Variants in ZBTB38 observed in about 807,000 individuals in gnomAD.
ZBTB38 encodes zinc finger and BTB domain-containing protein 38.
In ZBTB38, 20 loss-of-function variants were observed where a neutral mutation model predicts 76.8. That is an observed-to-expected ratio of 0.26 (90% CI 0.18 to 0.38). The LOEUF (loss-of-function observed/expected upper bound fraction) is 0.38, where lower values mean the gene tolerates loss of function less well. Ranked by LOEUF, ZBTB38 falls within the 10% of genes least tolerant of loss-of-function variation. The pLI is 1.00. For synonymous variants in ZBTB38, 504 were observed against 544.2 expected (o/e 0.93, Z 1.03); for missense variants, 1,082 against 1,482.3 (o/e 0.73, Z 4.43).
intron 5 of ZBTB38, among the ~76,000 whole-genome samples, chr3:141,434,859 G>A (rs908880986): frequency 6.6e-6 from 1 of 152,058 alleles, no homozygotes; most frequent in African/African-American, 2.4e-5. Context: ...TAGGCTGGCT[G>A]TGGTGGCTCA....
At chr3:141,414,984 A>G (rs1210837435) in intron 5 of ZBTB38, among the ~76,000 whole-genome samples, 2 of 151,954 alleles carry the variant, frequency 1.3e-5, no homozygotes, top group East Asian at 3.9e-4. Flanking sequence ...CTGAGTCATA[A>G]TGTCTTTGAC....
In ZBTB38 at chr3:141,443,958, A is replaced by G. The variant is rs1189579273; in HGVS notation, c.1570A>G (p.Thr524Ala). The change falls in exon 6 of 6, where the codon ACT becomes GCT. Residue 524 changes from threonine to alanine, a missense_variant. Transcript: ENST00000321464. This position sits in a 1 kb window ranked among gnomAD's most constrained non-coding sequence, Gnocchi z 5.6. Reference sequence around the variant, plus strand: ...ATATCAGTGCATTTTCTGTCTTGAAACTTTCATGACCTACTATATACTCAA... The same window carrying G: ...ATATCAGTGCATTTTCTGTCTTGAAGCTTTCATGACCTACTATATACTCAA... The part of the protein sequence containing the change: ...RRYQCIFCLE[T>A]FMTYYILKNH... 6.2e-7 allele frequency: 1 copy of G among 1,614,008 alleles called. No homozygotes were observed. Among genetic ancestry groups the G allele is most frequent in the East Asian group, 2.2e-5 (1 of 44,892 alleles).
chr3:141,346,954 C>G (rs920199097), intron 1 of ZBTB38, among the ~76,000 whole-genome samples: 1 of 152,056 alleles, frequency 6.6e-6, no homozygotes, highest in African/African-American at 2.4e-5. Context: ...CTGAGGGAAA[C>G]AGCTGGTTCA....
At chr3:141,422,271 C>G (rs534672296) in intron 5 of ZBTB38, among the ~76,000 whole-genome samples, 1 of 152,292 alleles carries the variant, frequency 6.6e-6, no homozygotes, top group East Asian at 1.9e-4. Flanking sequence ...CCCCATGCCC[C>G]TTTCTCTCTG....
intron 1 of ZBTB38, among the ~76,000 whole-genome samples, chr3:141,333,693 C>A (rs901161855): frequency 1.3e-5 from 2 of 152,078 alleles, no homozygotes; most frequent in African/African-American, 4.8e-5. Flanking sequence ...TTGCATTGAC[C>A]CCTTGCCTAG....
At chr3:141,426,783 G>A (rs2076480871) in intron 5 of ZBTB38, among the ~76,000 whole-genome samples, 1 of 152,214 alleles carries the variant, frequency 6.6e-6, no homozygotes. Flanking sequence ...AAGCATGTCG[G>A]TAGTGCTTGA....
At chr3:141,432,484 A>T (rs1300952763) in intron 5 of ZBTB38, among the ~76,000 whole-genome samples, 1 of 152,178 alleles carries the variant, frequency 6.6e-6, no homozygotes, top group African/African-American at 2.4e-5. Context: ...TGAATAAGTG[A>T]CTTGTAGTTC....
At chr3:141,436,411 G>T (rs976881979) in intron 5 of ZBTB38, among the ~76,000 whole-genome samples, 1 of 152,076 alleles carries the variant, frequency 6.6e-6, no homozygotes, top group African/African-American at 2.4e-5. Flanking sequence ...TGTGTGTTGG[G>T]GACACAGCCA....
chr3:141,424,649 C>CGT (rs139888507), intron 5 of ZBTB38, among the ~76,000 whole-genome samples: 19,861 of 149,802 alleles, frequency 0.13, 2,168 homozygotes, highest in African/African-American at 0.3. Context: ...TGTGTGTGTG[C>CGT]GTGTGTGTGT....
chr3:141,380,978 A>G (rs1164583789), intron 2 of ZBTB38, among the ~76,000 whole-genome samples: 1 of 152,184 alleles, frequency 6.6e-6, no homozygotes, highest in African/African-American at 2.4e-5. Flanking sequence ...ACCTTCATTT[A>G]TATCCCCACC....
exon 1 of ZBTB38, chr3:141,324,308 A>C (rs1942612642): frequency 6.6e-6 from 1 of 152,220 alleles, no homozygotes; most frequent in African/African-American, 2.4e-5. Flanking sequence ...CCTGGGTCTC[A>C]TCCAACTGGT....
chr3:141,425,005 C>T (rs77232821), intron 5 of ZBTB38, among the ~76,000 whole-genome samples: 6,382 of 152,262 alleles, frequency 0.042, 246 homozygotes, highest in Admixed American at 0.094. Flanking sequence ...ACCCAAGTAT[C>T]TTCTATTATT....
intron 1 of ZBTB38, among the ~76,000 whole-genome samples, chr3:141,328,368 A>G (rs1576626382): frequency 6.6e-6 from 1 of 152,154 alleles, no homozygotes; most frequent in African/African-American, 2.4e-5. Flanking sequence ...CACATCTGCA[A>G]TGGCACTTAG....
At chr3:141,356,850 A>G (rs921190085) in intron 1 of ZBTB38, among the ~76,000 whole-genome samples, 4 of 152,266 alleles carry the variant, frequency 2.6e-5, no homozygotes, top group Non-Finnish European at 2.9e-5. Context: ...GTGTCTTAGA[A>G]TGGAGAAATT....
intron 5 of ZBTB38, among the ~76,000 whole-genome samples, chr3:141,419,802 C>T (rs1424304666): frequency 6.6e-6 from 1 of 152,046 alleles, no homozygotes; most frequent in Non-Finnish European, 1.5e-5. Context: ...GCCTGACCAA[C>T]GTGGAGAAAC....
chr3:141,401,375 C>T (rs1951879876), intron 4 of ZBTB38, among the ~76,000 whole-genome samples: 1 of 137,440 alleles, frequency 7.3e-6, no homozygotes, highest in South Asian at 2.1e-4. Context: ...GCCTTCAAAA[C>T]TCTTCCTTTT....
At position 141,445,619 on chromosome 3, in the gene ZBTB38, G is replaced by A; in HGVS notation, c.3231G>A (p.Leu1077=). ...AGTATTGCAACAAGGCATTCACCTTGAATGAGACCCTCAAAATCCATGAAA... is the reference window on the plus strand; with the variant it reads ...AGTATTGCAACAAGGCATTCACCTTAAATGAGACCCTCAAAATCCATGAAA... ...VCQYCNKAFT[L]NETLKIHERI... The change falls in exon 6 of 6, where the codon TTG becomes TTA. Residue 1077 remains leucine (L), a synonymous_variant. Coordinates refer to ENST00000321464, the MANE Select transcript of ZBTB38 (RefSeq NM_001376113.1). This position sits in a 1 kb window ranked among gnomAD's most constrained non-coding sequence, Gnocchi z 6.5. 1.2e-6 allele frequency: 2 copies of A among 1,614,182 alleles called. No homozygotes were observed. Among genetic ancestry groups the A allele is most frequent in the Non-Finnish European group, 1.7e-6 (2 of 1,180,030 alleles).
intron 5 of ZBTB38, chr3:141,427,712 C>A (rs2076658698): frequency 6.6e-6 from 1 of 152,662 alleles, no homozygotes; most frequent in South Asian, 2.1e-4. Flanking sequence ...CCCCAGTGCT[C>A]CCCTGAAGCT....
In ZBTB38 at chr3:141,444,698, A is replaced by T. The variant is rs377145988; in HGVS notation, c.2310A>T (p.Arg770Ser). Reference protein sequence around the residue: ...EPDKVGRFASRPKSIKEKKKT... With the variant: ...EPDKVGRFASSPKSIKEKKKT... ...ATAAAGTGGGTAGGTTTGCAAGCAG[A>T]CCCAAAAGCATTAAGGAGAAAAAGA... The change falls in exon 6 of 6, where the codon AGA becomes AGT. Residue 770 changes from arginine to serine, a missense_variant. Arg to Ser is a moderately radical substitution (Grantham distance 110). Coordinates refer to ENST00000321464, the MANE Select transcript of ZBTB38 (RefSeq NM_001376113.1). The surrounding 1 kb of genome is among the most constrained non-coding windows in gnomAD (Gnocchi z 5.1). 1.3e-5 allele frequency: 21 copies of T among 1,614,132 alleles called. No homozygotes were observed. Among genetic ancestry groups the T allele is most frequent in the Non-Finnish European group, 1.8e-5 (21 of 1,180,020 alleles).
Sources: gnomAD v4.1 joint callset for allele counts (sites outside exome capture counted in the v4.1 genomes callset) on GRCh38, gnomAD v4.1.1 for gene constraint, Gnocchi (gnomAD v3.1) non-coding constraint, MANE v1.5 for transcripts, NCBI Gene and HGNC (gene_info 2026-07-23, HGNC 2026-07-21) for gene names.